The following CTNNBIP1 variants were observed in gnomAD, a reference collection of about 807,000 sequenced individuals.
The protein encoded by CTNNBIP1 is catenin beta interacting protein 1.
In CTNNBIP1, 7 loss-of-function variants were observed where a neutral mutation model predicts 11.8. That is an observed-to-expected ratio of 0.60 (90% CI 0.34 to 1.12). CTNNBIP1 has a LOEUF of 1.12. CTNNBIP1 is among the 50% of genes most tolerant of loss of function. The pLI is 0.03. For missense variants in CTNNBIP1, 101 were observed against 113.4 expected, an observed-to-expected ratio of 0.89 and a Z score of 0.50; for synonymous variants, 58 against 43.9, an observed-to-expected ratio of 1.32 and a Z score of -1.26.
chr1:9,874,352 T>G (rs555011081), intron 3 of CTNNBIP1, among the ~76,000 whole-genome samples: 1 of 152,338 alleles, frequency 6.6e-6, no homozygotes, highest in South Asian at 2.1e-4. Flanking sequence ...ACTCCTGGGC[T>G]TAAGCGATCC....
chr1:9,904,560 T>C (rs1050557097), intron 1 of CTNNBIP1, among the ~76,000 whole-genome samples: 2 of 152,088 alleles, frequency 1.3e-5, no homozygotes, highest in African/African-American at 4.8e-5. Flanking sequence ...GAGTTGCCAG[T>C]GTGGCCCAAC....
chr1:9,878,854 C>T (rs1238649574), intron 2 of CTNNBIP1, among the ~76,000 whole-genome samples: 1 of 152,162 alleles, frequency 6.6e-6, no homozygotes, highest in East Asian at 1.9e-4. Context: ...ATGGTGAGGG[C>T]ACAGGTCTGT....
At position 9,862,991 on chromosome 1, in the gene CTNNBIP1, T is replaced by G. The variant is rs557324462; in HGVS notation, c.187+8196A>C. On this transcript the variant is annotated intron_variant, in intron 5 of 5. Transcript: ENST00000377263. ...GTGTAGAGTCCCACAAGGACTTCTC[T>G]GAGGCCATTCGGGCATCTGTTCTCA... is the stretch of plus-strand genomic sequence containing the variant. Among the ~76,000 whole-genome samples, 5 of 152,344 alleles carry G rather than the reference T, an allele frequency of 3.3e-5. No individual in the cohort carries two copies. In the East Asian group the frequency reaches 9.6e-4, roughly 29 times the overall value.
chr1:9,869,110 T>G, intron 5 of CTNNBIP1, among the ~76,000 whole-genome samples: 1 of 151,432 alleles, frequency 6.6e-6, no homozygotes, highest in East Asian at 2.0e-4. Flanking sequence ...AGCGATCCTC[T>G]CACCTCAGCC....
At position 9,849,147 on chromosome 1, in the gene CTNNBIP1, G is replaced by A. The variant is rs552256947; in HGVS notation, c.*1571C>T. 7 of 152,438 alleles carry A rather than the reference G, an allele frequency of 4.6e-5. No homozygotes were observed. The East Asian group carries it at 9.6e-4, about 21-fold the overall frequency. The allele number at this position is 152,438 out of a possible 1,614,324, so 9.4% of individuals were successfully genotyped here. ...TGCCAGTGAGCCAGGGAGATAGGAG[G>A]ACCACCTCCCTCCCAGGGAAGGGGG... On this transcript the variant is annotated 3_prime_UTR_variant, in exon 6 of 6. Transcript: ENST00000377263.
rs903879910 is a variant in CTNNBIP1, at chr1:9,909,797, G to A, written c.-144+298C>T. Among the ~76,000 whole-genome samples, 8 of 152,224 alleles carry A rather than the reference G, an allele frequency of 5.3e-5. No homozygotes were observed. The South Asian group carries it at 1.7e-3, about 32-fold the overall frequency. ...GCAGGGGCCCAGAGGTCGGGAGGGC[G>A]GACGGGCGATGACAGGCACCCGGAC... On this transcript the variant is annotated intron_variant, in intron 1 of 5. Coordinates refer to ENST00000377263, the MANE Select transcript of CTNNBIP1 (RefSeq NM_020248.3).
At chr1:9,894,966 G>A (rs1639381053) in intron 1 of CTNNBIP1, among the ~76,000 whole-genome samples, 1 of 146,054 alleles carries the variant, frequency 6.8e-6, no homozygotes, top group East Asian at 2.0e-4. Context: ...GGAGTGCAGT[G>A]GTGCAATCTC....
intron 5 of CTNNBIP1, among the ~76,000 whole-genome samples, chr1:9,856,811 G>C (rs1000841400): frequency 1.3e-5 from 2 of 151,870 alleles, no homozygotes; most frequent in Admixed American, 1.3e-4. Flanking sequence ...ACCATGCCTA[G>C]TCCATAAAGA....
chr1:9,899,009 G>A lies in CTNNBIP1; in HGVS notation c.-144+11086C>T, dbSNP rs1639467343. On this transcript the variant is annotated intron_variant, in intron 1 of 5. Transcript: ENST00000377263. ...AAATTTTTTACTTCCGTAGGTTTTT[G>A]GGGAACAGGTGGTGTTTGGTTACAT... 3.9e-5 allele frequency among the ~76,000 whole-genome samples: 6 copies of A among 151,964 alleles called. 1 individual carries two copies. The South Asian group carries it at 1.2e-3, about 32-fold the overall frequency.
intron 1 of CTNNBIP1, among the ~76,000 whole-genome samples, chr1:9,904,673 A>G (rs1466825721): frequency 6.6e-6 from 1 of 152,200 alleles, no homozygotes. Context: ...CTCAACAAAG[A>G]AACAGTGATA....
intron 5 of CTNNBIP1, among the ~76,000 whole-genome samples, chr1:9,852,721 G>A (rs2101423747): frequency 6.6e-6 from 1 of 152,356 alleles, no homozygotes; most frequent in African/African-American, 2.4e-5. Flanking sequence ...TGAAAGGGGA[G>A]TTGTCAGCAG....
At chr1:9,901,968 T>C (rs1639530745) in intron 1 of CTNNBIP1, among the ~76,000 whole-genome samples, 1 of 152,196 alleles carries the variant, frequency 6.6e-6, no homozygotes, top group Non-Finnish European at 1.5e-5. Context: ...CTTTGCCCTC[T>C]CTACCCAGCC....
At chr1:9,876,370 A>G (rs1023776381) in intron 3 of CTNNBIP1, among the ~76,000 whole-genome samples, 1 of 152,160 alleles carries the variant, frequency 6.6e-6, no homozygotes, top group African/African-American at 2.4e-5. Flanking sequence ...TAATCCCAGC[A>G]CTTTAGGAGG....
At chr1:9,898,998 C>T (rs1483878089) in intron 1 of CTNNBIP1, among the ~76,000 whole-genome samples, 1 of 150,752 alleles carries the variant, frequency 6.6e-6, no homozygotes, top group African/African-American at 2.4e-5. Flanking sequence ...TTTTTACTTC[C>T]GTAGGTTTTT....
intron 2 of CTNNBIP1, among the ~76,000 whole-genome samples, chr1:9,881,810 T>G (rs1570583578): frequency 6.6e-6 from 1 of 152,112 alleles, no homozygotes; most frequent in Non-Finnish European, 1.5e-5. Context: ...TACTGAAACT[T>G]TTCTAGGTAC....
rs1388135723 is a variant in CTNNBIP1 at position 9,867,543 on chromosome 1, C to T, written c.187+3644G>A. Among the ~76,000 whole-genome samples the T allele has an allele frequency of 1.3e-5, 2 of 152,302 alleles. No individual in the cohort carries two copies. Among genetic ancestry groups the T allele is most frequent in the African/African-American group, 4.8e-5 (2 of 41,574 alleles). The stretch of plus-strand genomic sequence containing the variant: ...CTCAGGACCAAGGTCGGGTGCTGTC[C>T]GTTGGAGGGTCTGCCTCAGACCCCC... On this transcript the variant is annotated intron_variant, in intron 5 of 5. Transcript: ENST00000377263. The surrounding 1 kb of genome is among the most constrained non-coding windows in gnomAD (Gnocchi z 4.6).
intron 1 of CTNNBIP1, among the ~76,000 whole-genome samples, chr1:9,891,660 T>C (rs1296561900): frequency 6.6e-6 from 1 of 152,130 alleles, no homozygotes; most frequent in African/African-American, 2.4e-5. Context: ...AAATAAGTTT[T>C]GTTGGGCACA....
chr1:9,862,963 G>GA (rs1638664140), intron 5 of CTNNBIP1, among the ~76,000 whole-genome samples: 1 of 152,218 alleles, frequency 6.6e-6, no homozygotes, highest in Non-Finnish European at 1.5e-5. Flanking sequence ...CTTGAGGGGG[G>GA]AAGTGTAGAG....
chr1:9,866,025 T>G (rs538823869), intron 5 of CTNNBIP1, among the ~76,000 whole-genome samples: 2 of 152,328 alleles, frequency 1.3e-5, no homozygotes, highest in Admixed American at 6.5e-5. Flanking sequence ...TTTCCAGGTC[T>G]GCTTAGACAC....
Sources: allele counts gnomAD v4.1 joint callset (sites outside exome capture counted in the v4.1 genomes callset), GRCh38; gene constraint gnomAD v4.1.1; non-coding constraint Gnocchi (gnomAD v3.1); transcripts MANE v1.5; gene names NCBI Gene and HGNC (gene_info 2026-07-23, HGNC 2026-07-21).